Variants in PGGT1B observed in about 807,000 individuals in gnomAD.
PGGT1B encodes the protein protein geranylgeranyltransferase type I subunit beta.
In PGGT1B, 30 loss-of-function variants were observed where a neutral mutation model predicts 46.1. The ratio of observed to expected loss-of-function variants is 0.65; its 90% CI spans 0.49 to 0.88. The LOEUF (loss-of-function observed/expected upper bound fraction) is 0.88. PGGT1B is among the 40% of genes least tolerant of loss of function. PGGT1B has a pLI of 0.00. For missense variants in PGGT1B, 376 were observed against 455.9 expected (o/e 0.82, Z 1.60); for synonymous variants, 170 against 160.0 (o/e 1.06, Z -0.47).
rs73253466 is a variant in PGGT1B at position 115,211,006 on chromosome 5, C to T, written c.*1396G>A. Reference sequence around the variant, plus strand: ...GACTGTTATTTCACAACATTTTTTTCCCTCTGATTTAGAAAAAAAGATAAC... The same window carrying T: ...GACTGTTATTTCACAACATTTTTTTTCCTCTGATTTAGAAAAAAAGATAAC... On this transcript the variant is annotated 3_prime_UTR_variant, in exon 9 of 9. Coordinates refer to ENST00000419445, the MANE Select transcript of PGGT1B (RefSeq NM_005023.4). 2,035 of 152,094 alleles carry T rather than the reference C, an allele frequency of 0.013. 47 individuals are homozygous for T. Among genetic ancestry groups the T allele is most frequent in the African/African-American group, 0.046 (1,912 of 41,516 alleles). The allele number at this position is 152,094 out of a possible 1,614,324, so 9.4% of individuals were successfully genotyped here. A position where few individuals can be genotyped will look rare whatever the true frequency, so the allele number is the denominator to read the frequency against.
Position 115,214,624 on chromosome 5 carries a change from T to C in PGGT1B, c.953-2041A>G, listed in dbSNP as rs533342991. 2.6e-5 allele frequency among the ~76,000 whole-genome samples: 4 copies of C among 152,316 alleles called. No homozygotes were observed. The East Asian group carries it at 7.7e-4, about 29-fold the overall frequency. On this transcript the variant is annotated intron_variant, in intron 8 of 8. Coordinates refer to ENST00000419445, the MANE Select transcript of PGGT1B (RefSeq NM_005023.4). ...TCTATTGCATACTCTGAAAACATTGTAATGTATCTGTAAAAAGTAAGTAGT... is the reference window on the plus strand; with the variant it reads ...TCTATTGCATACTCTGAAAACATTGCAATGTATCTGTAAAAAGTAAGTAGT...
At chr5:115,221,303 G>A (rs1254147854) in intron 7 of PGGT1B, among the ~76,000 whole-genome samples, 1 of 151,862 alleles carries the variant, frequency 6.6e-6, no homozygotes, top group Non-Finnish European at 1.5e-5. Context: ...ACGGAATTAG[G>A]TATATTAAAA....
chr5:115,226,779 T>G (rs1389664744), intron 6 of PGGT1B, among the ~76,000 whole-genome samples: 2 of 151,838 alleles, frequency 1.3e-5, no homozygotes, highest in Admixed American at 6.6e-5. Flanking sequence ...ACCATAAAAA[T>G]GGCATGAATG....
At chr5:115,231,075 T>C in intron 5 of PGGT1B, 54 bp from the exon 6 acceptor site, 1 of 928,288 alleles carries the variant, frequency 1.1e-6, no homozygotes, top group South Asian at 1.9e-5. Context: ...TAATAATAAA[T>C]GAATAAATAA....
At chr5:115,255,294 T>C (rs1402469873) in intron 1 of PGGT1B, among the ~76,000 whole-genome samples, 3 of 152,158 alleles carry the variant, frequency 2.0e-5, no homozygotes, top group Non-Finnish European at 4.4e-5. Context: ...CCAAACACAA[T>C]AAACCTTTAG....
At chr5:115,224,643 G>A (rs1756703974) in intron 6 of PGGT1B, among the ~76,000 whole-genome samples, 1 of 152,060 alleles carries the variant, frequency 6.6e-6, no homozygotes, top group African/African-American at 2.4e-5. Context: ...GCCAAAGTGA[G>A]AGAACTGCTT....
chr5:115,226,507 C>G (rs1580753030), intron 6 of PGGT1B, among the ~76,000 whole-genome samples: 2 of 151,726 alleles, frequency 1.3e-5, no homozygotes, highest in Admixed American at 6.6e-5. Context: ...GGGCTCCAAG[C>G]TAAGCTACAG....
At chr5:115,213,097 G>C (rs574071532) in intron 8 of PGGT1B, among the ~76,000 whole-genome samples, 2 of 152,256 alleles carry the variant, frequency 1.3e-5, no homozygotes, top group South Asian at 2.1e-4. Flanking sequence ...TAAATAAAAG[G>C]AGCTTATGCA....
chr5:115,246,349 C>T (rs1747831065), intron 2 of PGGT1B, among the ~76,000 whole-genome samples: 1 of 149,302 alleles, frequency 6.7e-6, no homozygotes, highest in African/African-American at 2.5e-5. Flanking sequence ...GAATGATACT[C>T]CATTTCAAAA....
At position 115,205,584 on chromosome 5, in the gene PGGT1B, G is replaced by C. The variant is rs1199462029; in HGVS notation, c.*6818C>G. ...CTACTAACTGTTAAAGCTTTATCTT[G>C]TGTGAGTTAATTCATATTTGGAATT... On this transcript the variant is annotated 3_prime_UTR_variant, in exon 9 of 9. Coordinates refer to ENST00000419445, the MANE Select transcript of PGGT1B (RefSeq NM_005023.4). 6.6e-6 allele frequency: 1 copy of C among 152,114 alleles called. No homozygotes were observed. The highest frequency in any genetic ancestry group is 2.4e-5 in the African/African-American group (1 of 41,440). The allele number at this position is 152,114 out of a possible 1,614,324, so 9.4% of individuals were successfully genotyped here. A position where few individuals can be genotyped will look rare whatever the true frequency, so the allele number is the denominator to read the frequency against.
Position 115,211,699 on chromosome 5 carries a change from G to C in PGGT1B, c.*703C>G, listed in dbSNP as rs915722066. 1.3e-5 allele frequency: 2 copies of C among 148,968 alleles called. No individual in the cohort carries two copies. The highest frequency in any genetic ancestry group is 6.7e-5 in the Admixed American group (1 of 14,870). The allele number at this position is 148,968 out of a possible 1,614,324, so 9.2% of individuals were successfully genotyped here. A position where few individuals can be genotyped will look rare whatever the true frequency, so the allele number is the denominator to read the frequency against. On this transcript the variant is annotated 3_prime_UTR_variant, in exon 9 of 9. Transcript: ENST00000419445. ...AATGTCTAGATAAATGACCCACATA[G>C]CACAAAACTTTCTCATTCACAATCA...
chr5:115,221,768 G>T, intron 7 of PGGT1B, 56 bp downstream of exon 7: 2 of 1,101,132 alleles, frequency 1.8e-6, no homozygotes, highest in Non-Finnish European at 2.5e-6. Flanking sequence ...AACCTTTTTA[G>T]CACAATCTAT....
chr5:115,236,215 A>G (rs922665819), intron 5 of PGGT1B, among the ~76,000 whole-genome samples, 175 bp downstream of exon 5: 1 of 152,124 alleles, frequency 6.6e-6, no homozygotes, highest in Admixed American at 6.5e-5. Context: ...CCAAGGAGTC[A>G]ATCTGCACTT....
At chr5:115,253,796 A>G (rs991990246) in intron 1 of PGGT1B, among the ~76,000 whole-genome samples, 3 of 152,100 alleles carry the variant, frequency 2.0e-5, no homozygotes, top group African/African-American at 7.2e-5. Flanking sequence ...CTTACACTCT[A>G]TTTTCCCAGA....
chr5:115,238,271 T>C (rs896693478), intron 3 of PGGT1B, among the ~76,000 whole-genome samples: 21 of 150,792 alleles, frequency 1.4e-4, no homozygotes, highest in African/African-American at 4.6e-4. Context: ...AAGCAAATTA[T>C]GTATTACTTA....
chr5:115,239,125 C>T (rs368751), intron 3 of PGGT1B, among the ~76,000 whole-genome samples: 20,617 of 151,998 alleles, frequency 0.14, 2,204 homozygotes, highest in African/African-American at 0.3. Flanking sequence ...GCAACCTCCG[C>T]CTCCAAGGCT....
At position 115,205,883 on chromosome 5, in the gene PGGT1B, T is replaced by C. The variant is rs955514367; in HGVS notation, c.*6519A>G. On this transcript the variant is annotated 3_prime_UTR_variant, in exon 9 of 9. Transcript: ENST00000419445. ...AAACATGCAAATGGGCAATTATACA[T>C]TTTCAAGGATCTCACAGCAATATTT... The C allele has an allele frequency of 3.3e-5, 5 of 152,028 alleles. No homozygotes were observed. Among genetic ancestry groups the C allele is most frequent in the Non-Finnish European group, 7.4e-5 (5 of 67,960 alleles). 9.4% of individuals were successfully genotyped at this position (152,028 alleles called of 1,614,324 possible).
Position 115,211,243 on chromosome 5 carries a change from A to T in PGGT1B, c.*1159T>A, listed in dbSNP as rs1266718910. The T allele has an allele frequency of 6.6e-6, 1 of 152,076 alleles. No individual in the cohort carries two copies. The highest frequency in any genetic ancestry group is 1.5e-5 in the Non-Finnish European group (1 of 67,924). The allele number at this position is 152,076 out of a possible 1,614,324, so 9.4% of individuals were successfully genotyped here. A position where few individuals can be genotyped will look rare whatever the true frequency, so the allele number is the denominator to read the frequency against. ...GTTATTGATAAATTAATTACTAATG[A>T]AGAGTTTTTATACTACCTCCTTTAT... On this transcript the variant is annotated 3_prime_UTR_variant, in exon 9 of 9. Coordinates refer to ENST00000419445, the MANE Select transcript of PGGT1B (RefSeq NM_005023.4).
Position 115,253,187 on chromosome 5 carries a change from T to A in PGGT1B, c.209A>T (p.Asp70Val). The A allele has an allele frequency of 6.2e-7, 1 of 1,606,352 alleles. No homozygotes were observed. The highest frequency in any genetic ancestry group is 8.5e-7 in the Non-Finnish European group (1 of 1,176,578). ...GGAATAAATCCACTCTATTATATCA[T>A]CTTTGTTCACCACATCTAAGGAATC... is the stretch of plus-strand genomic sequence containing the variant. ...MLDSLDVVNK[D>V]DIIEWIYSLQ... is the part of the protein sequence containing the mutation. Residue 70 changes from aspartate (D) to valine (V), a missense_variant, in exon 2 of 9, where the codon GAT becomes GTT. This residue lies in a region of PGGT1B where 154 missense variants were observed against 142.3 expected (regional missense o/e 1.08). Coordinates refer to ENST00000419445, the MANE Select transcript of PGGT1B (RefSeq NM_005023.4).
Sources: gnomAD v4.1 joint callset for allele counts (sites outside exome capture counted in the v4.1 genomes callset) on GRCh38, gnomAD v4.1.1 for gene constraint, gnomAD v4.1.1 regional missense constraint, MANE v1.5 for transcripts, NCBI Gene and HGNC (gene_info 2026-07-23, HGNC 2026-07-21) for gene names.